The following ATP8A2 variants were observed in gnomAD, a reference collection of about 807,000 sequenced individuals.
ATP8A2 encodes the protein ATPase phospholipid transporting 8A2.
In ATP8A2, 100 loss-of-function variants were observed where a neutral mutation model predicts 165.6. That is an observed-to-expected ratio of 0.60 (90% CI 0.51 to 0.71). ATP8A2 has a LOEUF of 0.71. Ranked by LOEUF, ATP8A2 falls within the 30% of genes least tolerant of loss-of-function variation. The pLI is 0.00. For missense variants in ATP8A2, 1,227 were observed against 1,479.5 expected (o/e 0.83, Z 2.80); for synonymous variants, 543 against 548.8 (o/e 0.99, Z 0.15).
intron 36 of ATP8A2, among the ~76,000 whole-genome samples, chr13:26,013,778 G>A (rs1956902369): frequency 6.6e-6 from 1 of 152,198 alleles, no homozygotes; most frequent in African/African-American, 2.4e-5. Flanking sequence ...GTTGAGCTCT[G>A]CCTGTCAACA....
chr13:25,788,515 A>G (rs2045088370), intron 27 of ATP8A2, among the ~76,000 whole-genome samples: 1 of 152,196 alleles, frequency 6.6e-6, no homozygotes, highest in Non-Finnish European at 1.5e-5. Flanking sequence ...GGCTTGAGCT[A>G]GAAGCCCTGT....
Position 25,569,631 on chromosome 13 carries a change from T to C in ATP8A2, c.1474-1136T>C, listed in dbSNP as rs1263696430. On this transcript the variant is annotated intron_variant, in intron 16 of 36. Transcript: ENST00000381655. ...TGCAGACAGGTGAACATTGAAAGTTTATATATTGGGAGGAAAAGGGAAAAC... is the reference window on the plus strand; with the variant it reads ...TGCAGACAGGTGAACATTGAAAGTTCATATATTGGGAGGAAAAGGGAAAAC... 7.2e-5 allele frequency among the ~76,000 whole-genome samples: 11 copies of C among 152,302 alleles called. No individual in the cohort carries two copies. The East Asian group carries it at 1.5e-3, about 21-fold the overall frequency.
intron 24 of ATP8A2, among the ~76,000 whole-genome samples, chr13:25,687,438 G>A (rs1249279988): frequency 1.3e-5 from 2 of 152,180 alleles, no homozygotes; most frequent in African/African-American, 2.4e-5. Flanking sequence ...TCCAGGCACA[G>A]CAGTGTCCCT....
At chr13:25,875,599 A>C (rs1203896386) in intron 33 of ATP8A2, among the ~76,000 whole-genome samples, 1 of 151,960 alleles carries the variant, frequency 6.6e-6, no homozygotes, top group East Asian at 1.9e-4. Flanking sequence ...TAATGAATTT[A>C]GCATTTTTCT....
At chr13:25,836,999 T>C (rs567094617) in intron 28 of ATP8A2, among the ~76,000 whole-genome samples, 164 bp from the exon 29 acceptor site, 2 of 152,180 alleles carry the variant, frequency 1.3e-5, no homozygotes, top group South Asian at 4.2e-4. Flanking sequence ...GTAAAAATGG[T>C]CTTTCATTTA....
At chr13:25,490,718 GTTTTTTTGTTT>G (rs1436116688) in intron 2 of ATP8A2, among the ~76,000 whole-genome samples, 6 of 8,540 alleles carry the variant, frequency 7.0e-4, no homozygotes, top group South Asian at 3.4e-3. Context: ...CTACTAATTA[GTTTTTTTGTTT>G]TTTTTTTGTT....
At chr13:25,533,700 G>A (rs888786249) in intron 6 of ATP8A2, among the ~76,000 whole-genome samples, 4 of 152,162 alleles carry the variant, frequency 2.6e-5, no homozygotes, top group Admixed American at 1.3e-4. Context: ...TGGTGGAAAG[G>A]GGGCAAGAAA....
intron 33 of ATP8A2, among the ~76,000 whole-genome samples, chr13:25,961,095 C>T (rs1293053578): frequency 6.6e-6 from 1 of 152,202 alleles, no homozygotes; most frequent in African/African-American, 2.4e-5. Context: ...GGACTATAAC[C>T]TATTCATCTT....
chr13:25,600,670 G>A (rs933406353), intron 24 of ATP8A2, among the ~76,000 whole-genome samples: 1 of 152,146 alleles, frequency 6.6e-6, no homozygotes, highest in African/African-American at 2.4e-5. Flanking sequence ...AAGCCAGGTC[G>A]AGATGGTAGA....
chr13:25,651,689 C>G (rs2041816915), intron 24 of ATP8A2, among the ~76,000 whole-genome samples: 1 of 152,054 alleles, frequency 6.6e-6, no homozygotes. Flanking sequence ...AACCTTTTGG[C>G]TTTGTCCAAC....
At chr13:25,432,192 A>C (rs2034634541) in intron 1 of ATP8A2, among the ~76,000 whole-genome samples, 1 of 152,172 alleles carries the variant, frequency 6.6e-6, no homozygotes, top group Non-Finnish European at 1.5e-5. Context: ...CTGGGGCTTG[A>C]TTTGTGCATG....
At chr13:25,973,600 C>T (rs1377096374) in intron 35 of ATP8A2, among the ~76,000 whole-genome samples, 3 of 152,188 alleles carry the variant, frequency 2.0e-5, no homozygotes, top group Non-Finnish European at 4.4e-5. Context: ...CACAAACTCC[C>T]GAATGCATTC....
At chr13:25,860,589 A>G (rs192118346) in intron 31 of ATP8A2, among the ~76,000 whole-genome samples, 94 of 152,298 alleles carry the variant, frequency 6.2e-4, no homozygotes, top group Non-Finnish European at 1.1e-3. Flanking sequence ...TATGAGAAAG[A>G]CTGTTACTAG....
intron 1 of ATP8A2, among the ~76,000 whole-genome samples, chr13:25,455,108 G>A (rs1449798021): frequency 6.6e-6 from 1 of 152,196 alleles, no homozygotes; most frequent in African/African-American, 2.4e-5. Context: ...CTAAACTCTG[G>A]AGGGATATAA....
intron 25 of ATP8A2, among the ~76,000 whole-genome samples, chr13:25,764,003 A>G (rs1314102523): frequency 6.6e-6 from 1 of 152,212 alleles, no homozygotes; most frequent in Non-Finnish European, 1.5e-5. Context: ...ACTGCCATGA[A>G]AAAGAAGATG....
chr13:25,718,786 G>A (rs2043309460), intron 25 of ATP8A2, among the ~76,000 whole-genome samples: 1 of 152,174 alleles, frequency 6.6e-6, no homozygotes, highest in African/African-American at 2.4e-5. Context: ...AGAAGTAAAG[G>A]CTTACAAACA....
chr13:25,562,210 G>A (rs920045851), intron 15 of ATP8A2, among the ~76,000 whole-genome samples: 26 of 152,152 alleles, frequency 1.7e-4, no homozygotes, highest in African/African-American at 5.6e-4. Context: ...ATTTTCCATA[G>A]CAGAGCCACC....
chr13:25,943,249 A>G (rs1208415246), intron 33 of ATP8A2, among the ~76,000 whole-genome samples: 1 of 152,156 alleles, frequency 6.6e-6, no homozygotes, highest in Non-Finnish European at 1.5e-5. Context: ...GAGAACTGCT[A>G]TGCTGTCAAC....
intron 1 of ATP8A2, among the ~76,000 whole-genome samples, chr13:25,462,995 C>T (rs928199191): frequency 4.6e-5 from 7 of 152,068 alleles, no homozygotes; most frequent in African/African-American, 9.7e-5. Context: ...GACTGACTGA[C>T]GTGGGACGGC....
Sources: gnomAD v4.1 joint callset for allele counts (sites outside exome capture counted in the v4.1 genomes callset) on GRCh38, gnomAD v4.1.1 for gene constraint, MANE v1.5 for transcripts, NCBI Gene and HGNC (gene_info 2026-07-23, HGNC 2026-07-21) for gene names.